The following CUBN variants were observed in gnomAD, a reference collection of about 807,000 sequenced individuals.
CUBN encodes the protein 460 kDa receptor.
A neutral mutation model predicts 405.3 loss-of-function variants in CUBN; 282 were observed. The ratio of observed to expected loss-of-function variants is 0.70; its 90% CI spans 0.63 to 0.77. The LOEUF is 0.77. CUBN is among the 30% of genes least tolerant of loss of function. The pLI, the probability that CUBN is intolerant of heterozygous loss-of-function variation, is 0.00. For missense variants in CUBN, 4,514 were observed against 4,475.2 expected (o/e 1.01, Z -0.25); for synonymous variants, 1,684 against 1,617.0 (o/e 1.04, Z -0.99).
chr10:16,869,411 C>A (rs560790413), intron 59 of CUBN, among the ~76,000 whole-genome samples: 2 of 151,890 alleles, frequency 1.3e-5, no homozygotes, highest in Non-Finnish European at 2.9e-5. Flanking sequence ...GTGATCCACC[C>A]GCCTCAACCT....
rs369910596 is a variant in CUBN, at chr10:17,018,977, T to C, written c.4168+856A>G. 2.6e-5 allele frequency among the ~76,000 whole-genome samples: 4 copies of C among 152,156 alleles called. No homozygotes were observed. In the East Asian group the frequency reaches 7.7e-4, roughly 29 times the overall value. ...AAGCTCAGCCGGCTTCACCTCTCAG[T>C]AGTTTCCAAACTTTAATCACCAGGG... On this transcript the variant is annotated intron_variant, in intron 28 of 66. Transcript: ENST00000377833.
chr10:17,126,830 G>A lies in CUBN; in HGVS notation c.349-31C>T, dbSNP rs754128045. ...AATAGGGAAGAAAAAGCTTCAGTTAGCTGGTTCAAAGGCATTGCACATGTG... is the reference window on the plus strand; with the variant it reads ...AATAGGGAAGAAAAAGCTTCAGTTAACTGGTTCAAAGGCATTGCACATGTG... On this transcript the variant is annotated intron_variant, in intron 3 of 66. Coordinates refer to ENST00000377833, the MANE Select transcript of CUBN (RefSeq NM_001081.4). 1.8e-4 allele frequency: 285 copies of A among 1,613,448 alleles called. 2 individuals are homozygous for A. The highest frequency in any genetic ancestry group is 2.4e-4 in the Non-Finnish European group (279 of 1,179,542).
chr10:17,070,233 A>G (rs117925804), intron 19 of CUBN, among the ~76,000 whole-genome samples: 3,736 of 152,322 alleles, frequency 0.025, 65 homozygotes, highest in Non-Finnish European at 0.038. Flanking sequence ...CTATATTTAT[A>G]TCCTTACTTC....
At chr10:16,900,527 A>G (rs1841326809) in intron 53 of CUBN, 98 bp downstream of exon 53, 2 of 956,042 alleles carry the variant, frequency 2.1e-6, no homozygotes, top group Non-Finnish European at 3.4e-6. Context: ...AATATTTAGA[A>G]CTAAGCCTGA....
At chr10:17,029,838 G>C (rs570465468) in intron 27 of CUBN, among the ~76,000 whole-genome samples, 1 of 152,340 alleles carries the variant, frequency 6.6e-6, no homozygotes, top group East Asian at 1.9e-4. Flanking sequence ...TACAATCCCA[G>C]TGGCTTTTGT....
chr10:16,874,269 T>G (rs937418616), intron 58 of CUBN, 105 bp downstream of exon 58: 1 of 1,229,236 alleles, frequency 8.1e-7, no homozygotes, highest in African/African-American at 1.5e-5. Context: ...TAGATTTCCC[T>G]CCAGACTGCC....
intron 22 of CUBN, among the ~76,000 whole-genome samples, chr10:17,060,601 G>T (rs1461306383): frequency 6.6e-6 from 1 of 152,190 alleles, no homozygotes; most frequent in Non-Finnish European, 1.5e-5. Context: ...AAAATTATGA[G>T]AAAACACTAG....
At chr10:16,968,474 G>A (rs1204962148) in intron 31 of CUBN, among the ~76,000 whole-genome samples, 1 of 152,188 alleles carries the variant, frequency 6.6e-6, no homozygotes, top group East Asian at 1.9e-4. Flanking sequence ...CTCCAAATGA[G>A]AGGCAGGACC....
chr10:17,001,286 G>A (rs1370842500), intron 28 of CUBN, among the ~76,000 whole-genome samples: 2 of 152,198 alleles, frequency 1.3e-5, no homozygotes, highest in Non-Finnish European at 2.9e-5. Flanking sequence ...AGCGTGCAGG[G>A]CAACCCCAGT....
In CUBN at chr10:16,840,855, T is replaced by C. The variant is rs574577643; in HGVS notation, c.9826+30A>G. On this transcript the variant is annotated intron_variant, in intron 61 of 66. Transcript: ENST00000377833. ...AGTGCATAAATACATGTGTATTTCA[T>C]AACATATAAAAATGCTTCTATTTAC... 44 of 1,568,452 alleles carry C rather than the reference T, an allele frequency of 2.8e-5. No individual in the cohort carries two copies. In the South Asian group the frequency reaches 4.3e-4, roughly 15 times the overall value.
At chr10:16,965,037 C>T (rs928768217) in intron 31 of CUBN, among the ~76,000 whole-genome samples, 1 of 152,236 alleles carries the variant, frequency 6.6e-6, no homozygotes, top group Non-Finnish European at 1.5e-5. Context: ...ATGTACCCAA[C>T]GGCCAGACCG....
In CUBN at chr10:17,041,175, T is replaced by C; in HGVS notation, c.3875A>G (p.Glu1292Gly). The change falls in exon 27 of 67, where the codon GAG becomes GGG. Residue 1292 changes from glutamate (E) to glycine (G), a missense_variant. Around this residue, in one of 5 missense-constraint regions of CUBN, gnomAD observed 242 missense variants for 309.0 expected, o/e 0.78. Transcript: ENST00000377833. ...ATAAGGATTCGGATACCCTATACTC[T>C]CTAAGATGCCATAGGTTTGATTGAC... ...VIVNQTYGIL[E>G]SIGYPNPYSE... 2 of 1,613,818 alleles carry C rather than the reference T, an allele frequency of 1.2e-6. No homozygotes were observed. Among genetic ancestry groups the C allele is most frequent in the Non-Finnish European group, 1.7e-6 (2 of 1,179,792 alleles).
At chr10:16,877,200 A>C in intron 56 of CUBN, 103 bp from the exon 57 acceptor site, 1 of 969,096 alleles carries the variant, frequency 1.0e-6, no homozygotes. Flanking sequence ...TGCAATTGCT[A>C]TAAAAATTAA....
At position 17,045,103 on chromosome 10, in the gene CUBN, G is replaced by A. The variant is rs1309653895; in HGVS notation, c.3576C>T (p.Tyr1192=). 3.7e-6 allele frequency: 6 copies of A among 1,614,006 alleles called. No homozygotes were observed. Among genetic ancestry groups the A allele is most frequent in the Admixed American group, 1.7e-5 (1 of 60,002 alleles). ...TGCCGTGGCTAGATTTCAACCACCA[G>A]TAGCATTCAGAGCTGTGGTAATAGG... is the stretch of plus-strand genomic sequence containing the variant. ...PMPYYHSSEC[Y]WWLKSSHGSA... The change falls in exon 25 of 67, where the codon TAC becomes TAT. Residue 1192 remains tyrosine, a synonymous_variant. Coordinates refer to ENST00000377833, the MANE Select transcript of CUBN (RefSeq NM_001081.4).
chr10:16,879,148 C>G (rs1254326971), intron 56 of CUBN, among the ~76,000 whole-genome samples: 1 of 152,182 alleles, frequency 6.6e-6, no homozygotes, highest in Non-Finnish European at 1.5e-5. Context: ...CAAACTATAT[C>G]TCATAGTAGT....
intron 14 of CUBN, among the ~76,000 whole-genome samples, chr10:17,090,191 G>T (rs1197872655): frequency 1.3e-5 from 2 of 152,114 alleles, no homozygotes; most frequent in Non-Finnish European, 2.9e-5. Flanking sequence ...TCACATAGCG[G>T]CATACTATGC....
Position 17,100,186 on chromosome 10 carries a change from T to G in CUBN, c.1584A>C (p.Pro528=). The G allele has an allele frequency of 1.2e-6, 2 of 1,614,114 alleles. No individual in the cohort carries two copies. Among genetic ancestry groups the G allele is most frequent in the Non-Finnish European group, 1.7e-6 (2 of 1,179,982 alleles). ...FFRLESMDNC[P]HEFLQVYDGD... ...CATCATAAACCTGAAGAAACTCGTG[T>G]GGACAGTTGTCCATGGATTCTAACC... is the stretch of plus-strand genomic sequence containing the variant. Residue 528 remains proline, a synonymous_variant, in exon 14 of 67, where the codon CCA becomes CCC. Coordinates refer to ENST00000377833, the MANE Select transcript of CUBN (RefSeq NM_001081.4).
chr10:17,011,180 G>C (rs11592458), intron 28 of CUBN, among the ~76,000 whole-genome samples: 20,859 of 152,204 alleles, frequency 0.14, 1,556 homozygotes, highest in African/African-American at 0.19. Flanking sequence ...ATCACTCTAA[G>C]ACAGTAGTGT....
At chr10:16,841,910 C>CAAAAAA (rs11354893) in intron 60 of CUBN, among the ~76,000 whole-genome samples, 3 of 93,730 alleles carry the variant, frequency 3.2e-5, no homozygotes, top group Admixed American at 1.4e-4. Context: ...AAGACTGTCT[C>CAAAAAA]AAAAAAAAAA....
Sources: allele counts gnomAD v4.1 joint callset (sites outside exome capture counted in the v4.1 genomes callset), GRCh38; gene constraint gnomAD v4.1.1; regional missense constraint gnomAD v4.1.1; transcripts MANE v1.5; gene names NCBI Gene and HGNC (gene_info 2026-07-23, HGNC 2026-07-21).